Variants in MED26 observed in about 807,000 individuals in gnomAD.
MED26 encodes the protein mediator complex subunit 26.
A neutral mutation model predicts 43.7 loss-of-function variants in MED26; 7 were observed. The ratio of observed to expected loss-of-function variants is 0.16; its 90% CI spans 0.09 to 0.30. The LOEUF (loss-of-function observed/expected upper bound fraction) is 0.30, where lower values mean the gene tolerates loss of function less well. MED26 is among the 10% of genes least tolerant of loss of function. MED26 has a pLI of 1.00. For missense variants in MED26, 784 were observed against 840.6 expected, an observed-to-expected ratio of 0.93 and a Z score of 0.83; for synonymous variants, 375 against 371.1, an observed-to-expected ratio of 1.01 and a Z score of -0.12.
At chr19:16,592,033 C>CA (rs1251805331) in intron 1 of MED26, among the ~76,000 whole-genome samples, 2 of 152,176 alleles carry the variant, frequency 1.3e-5, no homozygotes, top group Non-Finnish European at 2.9e-5. Context: ...AACAAGCCCT[C>CA]AAGGAGGCCC....
intron 1 of MED26, chr19:16,612,297 T>C (rs1387155589): frequency 6.6e-6 from 1 of 152,216 alleles, no homozygotes; most frequent in African/African-American, 2.4e-5. Context: ...GTTTGGTTTT[T>C]TTCTTGAGAC....
chr19:16,609,645 T>C (rs2086190574), intron 1 of MED26, among the ~76,000 whole-genome samples: 1 of 151,896 alleles, frequency 6.6e-6, no homozygotes. Flanking sequence ...CTTATGTAAA[T>C]TAGAGCTTCA....
chr19:16,576,746 G>C lies in MED26; in HGVS notation c.1084C>G (p.Pro362Ala), dbSNP rs775022768. 1 of 1,609,438 alleles carries C rather than the reference G, an allele frequency of 6.2e-7. No individual in the cohort carries two copies. Among genetic ancestry groups the C allele is most frequent in the Non-Finnish European group, 8.5e-7 (1 of 1,179,650 alleles). ...GCCCGGGACAGGAGGGGCTCGGCTG[G>C]GGACAGCCCTGCCTTGCAGCCCGGC... ...AGPGCKAGLS[P>A]AEPLLSRAGF... Residue 362 changes from proline (P) to alanine (A), a missense_variant, in exon 3 of 3, where the codon CCA (proline) becomes GCA (alanine). Pro to Ala is a conservative substitution (Grantham distance 27). Transcript: ENST00000263390. This position sits in a 1 kb window ranked among gnomAD's most constrained non-coding sequence, Gnocchi z 6.8.
At chr19:16,617,593 G>A (rs2086232054) in intron 1 of MED26, among the ~76,000 whole-genome samples, 1 of 152,180 alleles carries the variant, frequency 6.6e-6, no homozygotes, top group South Asian at 2.1e-4. Context: ...ACCAGAAACA[G>A]AAAAGATTCC....
chr19:16,616,347 C>T (rs2086226195), intron 1 of MED26, among the ~76,000 whole-genome samples: 1 of 152,168 alleles, frequency 6.6e-6, no homozygotes, highest in African/African-American at 2.4e-5. Context: ...TGCTTAAGTC[C>T]TCCACCCAGG....
chr19:16,602,207 A>G (rs1285390900), intron 1 of MED26, among the ~76,000 whole-genome samples: 1 of 152,206 alleles, frequency 6.6e-6, no homozygotes, highest in African/African-American at 2.4e-5. Context: ...TACATCACTG[A>G]CCATGAGGGA....
At chr19:16,600,270 G>C (rs532816399) in intron 1 of MED26, among the ~76,000 whole-genome samples, 1 of 152,036 alleles carries the variant, frequency 6.6e-6, no homozygotes, top group African/African-American at 2.4e-5. Context: ...CTGGAATTGT[G>C]CCAGGCTGAG....
chr19:16,621,420 C>T (rs1003951552), intron 1 of MED26, among the ~76,000 whole-genome samples: 7 of 152,296 alleles, frequency 4.6e-5, no homozygotes, highest in South Asian at 2.1e-4. Context: ...CACAGGAGAC[C>T]GAGCCTAACT....
chr19:16,621,741 C>A (rs1029574400), intron 1 of MED26, among the ~76,000 whole-genome samples: 1 of 152,096 alleles, frequency 6.6e-6, no homozygotes, highest in Admixed American at 6.5e-5. Flanking sequence ...CTCACAGTGC[C>A]CCCAGACTGT....
chr19:16,596,969 C>A (rs773522650), intron 1 of MED26, among the ~76,000 whole-genome samples: 2 of 152,180 alleles, frequency 1.3e-5, no homozygotes, highest in Admixed American at 6.5e-5. Context: ...ACAAGAAGAC[C>A]ACCACTCCAT....
chr19:16,578,958 G>C (rs191132564), intron 1 of MED26, among the ~76,000 whole-genome samples: 2 of 152,128 alleles, frequency 1.3e-5, no homozygotes, highest in African/African-American at 4.8e-5. Context: ...AAAATTAGTT[G>C]GGTGTGCTGG....
In MED26 at chr19:16,576,271, C is replaced by G. The variant is rs1033751093; in HGVS notation, c.1559G>C (p.Ser520Thr). ...FMSEYLKQEE[S>T]TRQGARQLHV... ...CAGCTGCCTGGCCCCTTGCCGGGTG[C>G]TCTCCTCCTGCTTCAGGTACTCAGA... The change falls in exon 3 of 3, where the codon AGC (serine) becomes ACC (threonine). Residue 520 changes from serine (S) to threonine (T), a missense_variant. By Grantham distance (58) the Ser-to-Thr change is moderately conservative. Transcript: ENST00000263390. The surrounding 1 kb of genome is among the most constrained non-coding windows in gnomAD (Gnocchi z 6.8). 1.1e-5 allele frequency: 17 copies of G among 1,611,376 alleles called. No homozygotes were observed. The highest frequency in any genetic ancestry group is 1.4e-5 in the Non-Finnish European group (17 of 1,180,022).
In MED26 at chr19:16,614,700, G is replaced by T. The variant is rs35611135; in HGVS notation, c.72+13172C>A. On this transcript the variant is annotated intron_variant, in intron 1 of 2. Coordinates refer to ENST00000263390, the MANE Select transcript of MED26 (RefSeq NM_004831.5). Reference sequence around the variant, plus strand: ...CTAACGGAACTGAGCGATACACACAGGACAGGCTCAGCGCCTGGGTGCAGA... The same window carrying T: ...CTAACGGAACTGAGCGATACACACATGACAGGCTCAGCGCCTGGGTGCAGA... Among the ~76,000 whole-genome samples, 1,156 of 152,204 alleles carry T rather than the reference G, an allele frequency of 7.6e-3. 14 individuals are homozygous for T. The highest frequency in any genetic ancestry group is 0.026 in the African/African-American group (1,089 of 41,504).
At chr19:16,620,933 A>G (rs2122457038) in intron 1 of MED26, among the ~76,000 whole-genome samples, 1 of 152,336 alleles carries the variant, frequency 6.6e-6, no homozygotes, top group South Asian at 2.1e-4. Flanking sequence ...AAGCTTCCAG[A>G]AGGTTTCTGA....
At chr19:16,590,921 T>G (rs1394296971) in intron 1 of MED26, among the ~76,000 whole-genome samples, 2 of 151,862 alleles carry the variant, frequency 1.3e-5, no homozygotes, top group African/African-American at 4.8e-5. Context: ...GCACCTGTAA[T>G]CCCAGCTACT....
chr19:16,596,298 G>A (rs754702847), intron 1 of MED26, among the ~76,000 whole-genome samples: 4 of 152,226 alleles, frequency 2.6e-5, no homozygotes, highest in African/African-American at 4.8e-5. Context: ...CCCATGCTGC[G>A]TCAGAGCTGT....
chr19:16,575,874 G>T lies in MED26; in HGVS notation c.*153C>A. 1 of 640,216 alleles carries T rather than the reference G, an allele frequency of 1.6e-6. No homozygotes were observed. The highest frequency in any genetic ancestry group is 2.7e-6 in the Non-Finnish European group (1 of 370,040). The allele number at this position is 640,216 out of a possible 1,614,324, so 39.7% of individuals were successfully genotyped here. A position where few individuals can be genotyped will look rare whatever the true frequency, so the allele number is the denominator to read the frequency against. On this transcript the variant is annotated 3_prime_UTR_variant, in exon 3 of 3. Transcript: ENST00000263390. ...GAGTTTTGAGGGAAGAGCGCAGAGAGACCGCGTGACTCCCGCCCCCTCCCT... is the reference window on the plus strand; with the variant it reads ...GAGTTTTGAGGGAAGAGCGCAGAGATACCGCGTGACTCCCGCCCCCTCCCT...
chr19:16,578,286 C>T, intron 2 of MED26, 49 bp downstream of exon 2: 1 of 1,553,974 alleles, frequency 6.4e-7, no homozygotes, highest in Admixed American at 1.7e-5. Context: ...TGGTACCATC[C>T]CCTGCCCCCC....
At chr19:16,591,488 A>T (rs1050481040) in intron 1 of MED26, among the ~76,000 whole-genome samples, 40 of 152,168 alleles carry the variant, frequency 2.6e-4, no homozygotes, top group Admixed American at 2.5e-3. Flanking sequence ...TTTGGAAAAA[A>T]GCTGTAGCTG....
Sources: gnomAD v4.1 joint callset for allele counts (sites outside exome capture counted in the v4.1 genomes callset) on GRCh38, gnomAD v4.1.1 for gene constraint, Gnocchi (gnomAD v3.1) non-coding constraint, MANE v1.5 for transcripts, NCBI Gene and HGNC (gene_info 2026-07-23, HGNC 2026-07-21) for gene names.